TRAPPC8: variants seen among roughly 807,000 people sequenced by gnomAD.
TRAPPC8 encodes general sporulation gene 1 homolog.
In TRAPPC8, 54 loss-of-function variants were observed where a neutral mutation model predicts 174.3. The observed-to-expected ratio is 0.31, with a 90% CI of 0.25 to 0.39. TRAPPC8 has a LOEUF of 0.39. TRAPPC8 is among the 10% of genes least tolerant of loss of function. The pLI is 1.00. For synonymous variants in TRAPPC8, 630 were observed against 579.9 expected, an observed-to-expected ratio of 1.09 and a Z score of -1.24; for missense variants, 1,531 against 1,699.1, an observed-to-expected ratio of 0.90 and a Z score of 1.74.
At chr18:31,899,165 T>G in intron 10 of TRAPPC8, among the ~76,000 whole-genome samples, 1 of 152,216 alleles carries the variant, frequency 6.6e-6, no homozygotes, top group East Asian at 1.9e-4. Flanking sequence ...GTTCAGTTCT[T>G]AAAGATTTGT....
chr18:31,911,474 C>T (rs1166122296), intron 5 of TRAPPC8, among the ~76,000 whole-genome samples: 7 of 147,462 alleles, frequency 4.7e-5, no homozygotes, highest in Non-Finnish European at 1.0e-4. Context: ...AATTTCTGGC[C>T]GGGTGTGGTG....
intron 27 of TRAPPC8, among the ~76,000 whole-genome samples, chr18:31,834,500 C>G (rs889822937): frequency 2.5e-4 from 38 of 152,174 alleles, no homozygotes; most frequent in African/African-American, 8.7e-4. Context: ...AATCAAAGTT[C>G]TGACAACTAT....
rs779469336 is a variant in TRAPPC8 at position 31,852,660 on chromosome 18, G to C, written c.3437C>G (p.Thr1146Ser). Reference sequence around the variant, plus strand: ...TCCCTTCTCCCTACTGGCAAGTTTGGTATCTAGGAAGAAAAAGGGAAATTT... The same window carrying C: ...TCCCTTCTCCCTACTGGCAAGTTTGCTATCTAGGAAGAAAAAGGGAAATTT... ...KSVNLSENKD[T>S]KLASREKGKF... Residue 1146 changes from threonine to serine, a missense_variant, in exon 23 of 29, where the codon ACC becomes AGC. Coordinates refer to ENST00000283351, the MANE Select transcript of TRAPPC8 (RefSeq NM_014939.5). The C allele has an allele frequency of 1.2e-6, 2 of 1,613,292 alleles. No individual in the cohort carries two copies. The highest frequency in any genetic ancestry group is 1.7e-5 in the Admixed American group (1 of 59,978).
chr18:31,923,050 C>T (rs1401108908), intron 2 of TRAPPC8, among the ~76,000 whole-genome samples: 1 of 152,126 alleles, frequency 6.6e-6, no homozygotes, highest in African/African-American at 2.4e-5. Context: ...GCAGAATGTA[C>T]TGTTTTACCT....
At chr18:31,938,628 G>A (rs1391033971) in intron 1 of TRAPPC8, among the ~76,000 whole-genome samples, 2 of 152,138 alleles carry the variant, frequency 1.3e-5, no homozygotes, top group African/African-American at 4.8e-5. Context: ...CAGCAGTCAA[G>A]GCAAAGTTCT....
intron 16 of TRAPPC8, among the ~76,000 whole-genome samples, chr18:31,869,663 T>C (rs1231861500): frequency 6.6e-6 from 1 of 152,214 alleles, no homozygotes; most frequent in African/African-American, 2.4e-5. Context: ...ACTCATATGA[T>C]GGAATATTAT....
rs537181348 is a variant in TRAPPC8 at position 31,909,148 on chromosome 18, A to C, written c.866-138T>G. 1.3e-4 allele frequency: 97 copies of C among 769,618 alleles called. No individual in the cohort carries two copies. The African/African-American group carries it at 1.6e-3, about 13-fold the overall frequency. The allele number at this position is 769,618 out of a possible 1,614,324, so 47.7% of individuals were successfully genotyped here. ...TCAGTATAGGTAAATGTCTAAGATA[A>C]AACAGCAGTAACATCCCCCAGCCCC... is the stretch of plus-strand genomic sequence containing the variant. On this transcript the variant is annotated intron_variant, in intron 6 of 28. Transcript: ENST00000283351.
chr18:31,867,686 C>A (rs1461593329), intron 16 of TRAPPC8, among the ~76,000 whole-genome samples: 1 of 151,946 alleles, frequency 6.6e-6, no homozygotes, highest in Non-Finnish European at 1.5e-5. Context: ...ATATTTTTTT[C>A]ATTTTGTTCA....
In TRAPPC8 at chr18:31,913,372, G is replaced by C. The variant is rs371056492; in HGVS notation, c.768C>G (p.Asn256Lys). Residue 256 changes from asparagine (N) to lysine (K), a missense_variant, in exon 5 of 29, where the codon AAC (asparagine) becomes AAG (lysine). Asn to Lys is a moderately conservative substitution (Grantham distance 94). Transcript: ENST00000283351. ...TTCATTTATTTTTTACATATACCTG[G>C]TTTTGAATACTATTTTTCTGGAGAT... ...SQYLQKNSIQNQESYEDGPCT... is the reference protein window; with the variant it reads ...SQYLQKNSIQKQESYEDGPCT... The C allele has an allele frequency of 1.7e-4, 262 of 1,571,734 alleles. No individual in the cohort carries two copies. Among genetic ancestry groups the C allele is most frequent in the Non-Finnish European group, 2.2e-4 (256 of 1,166,568 alleles).
Position 31,942,845 on chromosome 18 carries a change from C to T in TRAPPC8, c.-81G>A. On this transcript the variant is annotated 5_prime_UTR_variant, in exon 1 of 29. Transcript: ENST00000283351. ...CCTGCGGCTGCAGCAGCTACCGCCG[C>T]CGCCCGCCGGCCTGGCCCGGCCGGG... 7.9e-7 allele frequency: 1 copy of T among 1,262,732 alleles called. No individual in the cohort carries two copies. The highest frequency in any genetic ancestry group is 1.0e-6 in the Non-Finnish European group (1 of 1,002,264). 78.2% of individuals were successfully genotyped at this position (1,262,732 alleles called of 1,614,324 possible). A position where few individuals can be genotyped will look rare whatever the true frequency, so the allele number is the denominator to read the frequency against.
intron 10 of TRAPPC8, among the ~76,000 whole-genome samples, chr18:31,900,129 AAGGCT>A (rs1283698883): frequency 1.3e-5 from 2 of 151,952 alleles, no homozygotes; most frequent in African/African-American, 4.8e-5. Context: ...AGCTACTCCA[AAGGCT>A]GGGACAGGAG....
At chr18:31,860,755 C>A (rs989110367) in intron 19 of TRAPPC8, among the ~76,000 whole-genome samples, 1 of 152,150 alleles carries the variant, frequency 6.6e-6, no homozygotes, top group African/African-American at 2.4e-5. Flanking sequence ...ACCAACTTCC[C>A]TATTCTCTTA....
chr18:31,887,789 C>T (rs2145334945), intron 12 of TRAPPC8, among the ~76,000 whole-genome samples: 1 of 150,250 alleles, frequency 6.7e-6, no homozygotes, highest in South Asian at 2.1e-4. Context: ...TATACCAGCA[C>T]AAGACAAGGA....
At chr18:31,831,464 T>G (rs2032364804) in intron 28 of TRAPPC8, among the ~76,000 whole-genome samples, 1 of 152,252 alleles carries the variant, frequency 6.6e-6, no homozygotes, top group African/African-American at 2.4e-5. Context: ...ACATTTATTA[T>G]TTAATAGTTT....
intron 26 of TRAPPC8, among the ~76,000 whole-genome samples, chr18:31,842,552 T>C (rs1385915588): frequency 7.2e-5 from 11 of 152,154 alleles, no homozygotes; most frequent in Admixed American, 7.2e-4. Context: ...ATGACAATGG[T>C]TGGATGAATA....
intron 4 of TRAPPC8, among the ~76,000 whole-genome samples, chr18:31,914,665 A>G (rs2145524220): frequency 6.6e-6 from 1 of 152,348 alleles, no homozygotes. Context: ...AAGGCGGGTA[A>G]TGATTATTAA....
intron 2 of TRAPPC8, among the ~76,000 whole-genome samples, chr18:31,921,780 G>A (rs745626253): frequency 3.0e-4 from 46 of 152,070 alleles, no homozygotes; most frequent in Non-Finnish European, 5.6e-4. Flanking sequence ...ATTACGCTTC[G>A]ATTTTCTTGT....
At chr18:31,864,880 T>C in intron 18 of TRAPPC8, 99 bp from the exon 19 acceptor site, 1 of 1,135,120 alleles carries the variant, frequency 8.8e-7, no homozygotes, top group Non-Finnish European at 1.2e-6. Flanking sequence ...AGATTATTTC[T>C]AGAAAAATTC....
intron 20 of TRAPPC8, among the ~76,000 whole-genome samples, chr18:31,856,759 C>A (rs1568050720): frequency 6.6e-6 from 1 of 151,790 alleles, no homozygotes; most frequent in Non-Finnish European, 1.5e-5. Context: ...TAGAATAATA[C>A]CCACTACTCT....
Sources: allele counts gnomAD v4.1 joint callset (sites outside exome capture counted in the v4.1 genomes callset), GRCh38; gene constraint gnomAD v4.1.1; transcripts MANE v1.5; gene names NCBI Gene and HGNC (gene_info 2026-07-23, HGNC 2026-07-21).